The following GNAO1 variants were observed in gnomAD, a reference collection of about 807,000 sequenced individuals.
The protein encoded by GNAO1 is guanine nucleotide-binding protein G(o) subunit alpha.
For missense variants in GNAO1, 166 were observed against 478.7 expected (o/e 0.35, Z 6.10); for synonymous variants, 164 against 180.7 (o/e 0.91, Z 0.74).
chr16:56,216,688 T>C (rs1354926089), intron 2 of GNAO1, among the ~76,000 whole-genome samples: 1 of 152,208 alleles, frequency 6.6e-6, no homozygotes, highest in Non-Finnish European at 1.5e-5. Flanking sequence ...CTGTAAAATA[T>C]AAGCTGTCAA....
intron 3 of GNAO1, among the ~76,000 whole-genome samples, chr16:56,298,216 G>A (rs534920303): frequency 3.7e-4 from 57 of 152,290 alleles, no homozygotes; most frequent in Non-Finnish European, 5.6e-4. Context: ...ATGATCTTCC[G>A]TATGTGCAGA....
At chr16:56,303,888 G>A (rs894848028) in intron 3 of GNAO1, among the ~76,000 whole-genome samples, 4 of 152,090 alleles carry the variant, frequency 2.6e-5, no homozygotes, top group Non-Finnish European at 5.9e-5. Flanking sequence ...TCTACCCAAT[G>A]CGACACCCTC....
At chr16:56,218,395 G>A (rs940122349) in intron 2 of GNAO1, among the ~76,000 whole-genome samples, 4 of 152,278 alleles carry the variant, frequency 2.6e-5, no homozygotes, top group East Asian at 3.9e-4. Context: ...TGACAGTATC[G>A]GTGGAGAAAA....
intron 6 of GNAO1, among the ~76,000 whole-genome samples, chr16:56,350,512 C>T (rs1284724040): frequency 2.0e-5 from 3 of 152,218 alleles, no homozygotes; most frequent in Non-Finnish European, 4.4e-5. Context: ...AGAGGCTGCC[C>T]CCGTTCGGCA....
intron 2 of GNAO1, among the ~76,000 whole-genome samples, chr16:56,236,687 G>A (rs544022409): frequency 3.3e-5 from 5 of 152,134 alleles, no homozygotes; most frequent in Non-Finnish European, 7.3e-5. Flanking sequence ...AATTGGTCTC[G>A]TGGCATTATA....
intron 3 of GNAO1, among the ~76,000 whole-genome samples, chr16:56,296,413 T>G (rs533921689): frequency 1.3e-5 from 2 of 152,286 alleles, no homozygotes; most frequent in South Asian, 2.1e-4. Flanking sequence ...GAGAAGCGCT[T>G]GTTTCCCATG....
intron 2 of GNAO1, among the ~76,000 whole-genome samples, chr16:56,232,108 G>A (rs1360338838): frequency 4.6e-5 from 7 of 151,912 alleles, no homozygotes. Flanking sequence ...GTTGACGGAT[G>A]TCTGCTTTAA....
intron 2 of GNAO1, among the ~76,000 whole-genome samples, chr16:56,237,633 T>G (rs1330664933): frequency 6.6e-6 from 1 of 152,210 alleles, no homozygotes; most frequent in Non-Finnish European, 1.5e-5. Context: ...CACAGATGCC[T>G]TGGCGTTTTC....
intron 2 of GNAO1, chr16:56,235,062 GA>G: frequency 3.1e-6 from 1 of 321,738 alleles, no homozygotes; most frequent in Non-Finnish European, 6.1e-6. Flanking sequence ...TTCTGCAAAA[GA>G]CACCTATTCG....
intron 6 of GNAO1, 58 bp downstream of exon 6, chr16:56,336,918 G>T: frequency 6.5e-7 from 1 of 1,537,880 alleles, no homozygotes; most frequent in Admixed American, 1.9e-5. Context: ...CCGCAGGATA[G>T]GCCAGCCCTC....
At chr16:56,235,301 TAAAG>T (rs1259692096) in intron 2 of GNAO1, 1 of 455,874 alleles carries the variant, frequency 2.2e-6, no homozygotes, top group Non-Finnish European at 4.4e-6. Context: ...TTTAGAATCT[TAAAG>T]AAGACAGAAG....
intron 6 of GNAO1, among the ~76,000 whole-genome samples, chr16:56,341,393 C>G (rs1368984556): frequency 1.3e-5 from 2 of 152,232 alleles, no homozygotes; most frequent in Non-Finnish European, 2.9e-5. Context: ...GGTCATGCAG[C>G]CTCTCTGAAC....
intron 3 of GNAO1, among the ~76,000 whole-genome samples, chr16:56,322,738 G>A (rs1243101875): frequency 6.6e-6 from 1 of 152,098 alleles, no homozygotes; most frequent in African/African-American, 2.4e-5. Context: ...TCTCCTTACT[G>A]GCGATGTGAT....
chr16:56,336,887 G>T (rs1351839259), intron 6 of GNAO1, 27 bp downstream of exon 6: 1 of 1,596,880 alleles, frequency 6.3e-7, no homozygotes, highest in Admixed American at 1.7e-5. Flanking sequence ...CCCCGGGCAG[G>T]GGGCAGCGCT....
chr16:56,223,069 A>G (rs1474134291), intron 2 of GNAO1, among the ~76,000 whole-genome samples: 2 of 152,194 alleles, frequency 1.3e-5, no homozygotes, highest in African/African-American at 2.4e-5. Context: ...GTTTAAAACA[A>G]TAAGATGTAT....
chr16:56,192,007 A>T lies in GNAO1; in HGVS notation c.-229A>T. 1.9e-6 allele frequency: 1 copy of T among 527,402 alleles called. No individual in the cohort carries two copies. Among genetic ancestry groups the T allele is most frequent in the South Asian group, 2.6e-5 (1 of 38,188 alleles). The allele number at this position is 527,402 out of a possible 1,614,324, so 32.7% of individuals were successfully genotyped here. ...AGACCCCGGCCACCCTCGATTCGAC[A>T]ACCCCAGACCCCTGCCAGCTGCCGC... is the stretch of plus-strand genomic sequence containing the variant. On this transcript the variant is annotated 5_prime_UTR_variant, in exon 1 of 9. Transcript: ENST00000262493.
chr16:56,251,996 C>G (rs1056818864), intron 2 of GNAO1, among the ~76,000 whole-genome samples: 2 of 152,030 alleles, frequency 1.3e-5, no homozygotes, highest in Non-Finnish European at 2.9e-5. Flanking sequence ...GGTGCATGGG[C>G]AACAAATGAG....
At chr16:56,204,623 G>C (rs964947357) in intron 2 of GNAO1, among the ~76,000 whole-genome samples, 3 of 152,194 alleles carry the variant, frequency 2.0e-5, no homozygotes, top group Non-Finnish European at 2.9e-5. Flanking sequence ...TGGCGAGCAG[G>C]GTTCTGTTTC....
rs555056826 is a variant in GNAO1, at chr16:56,197,329, T to C, written c.161+4713T>C. On this transcript the variant is annotated intron_variant, in intron 2 of 8. Transcript: ENST00000262493. ...GCCTCCCTCCCTTCGTCCCTCTCTA[T>C]GTTTATTCAAATGGATGCACCTTGC... 5.3e-5 allele frequency among the ~76,000 whole-genome samples: 8 copies of C among 152,346 alleles called. No homozygotes were observed. In the South Asian group the frequency reaches 1.7e-3, roughly 32 times the overall value.
Sources: allele counts gnomAD v4.1 joint callset (sites outside exome capture counted in the v4.1 genomes callset), GRCh38; gene constraint gnomAD v4.1.1; transcripts MANE v1.5; gene names NCBI Gene and HGNC (gene_info 2026-07-23, HGNC 2026-07-21).